Variants in CDC20B observed in about 807,000 individuals in gnomAD.
The protein encoded by CDC20B is cell division cycle 20B.
A neutral mutation model predicts 64.1 loss-of-function variants in CDC20B; 58 were observed. That is an observed-to-expected ratio of 0.90 (90% CI 0.73 to 1.13). The LOEUF (loss-of-function observed/expected upper bound fraction) is 1.13. Among genes scored for constraint, CDC20B ranks in the 50% most tolerant of loss-of-function variants. CDC20B has a pLI of 0.00. For missense variants in CDC20B, 597 were observed against 633.0 expected, an observed-to-expected ratio of 0.94 and a Z score of 0.61; for synonymous variants, 243 against 230.6, an observed-to-expected ratio of 1.05 and a Z score of -0.49.
Position 55,153,752 on chromosome 5 carries a change from A to G in CDC20B, c.127-6896T>C, listed in dbSNP as rs144269941. 6.8e-3 allele frequency among the ~76,000 whole-genome samples: 1,030 copies of G among 152,354 alleles called. 10 individuals carry two copies. The highest frequency in any genetic ancestry group is 0.023 in the African/African-American group (974 of 41,574). ...TAAAGGACAGAATAGAATTCAGAAT[A>G]AAGTCTGGGACAAGGGCCAAAGCAG... On this transcript the variant is annotated intron_variant, in intron 2 of 11. Coordinates refer to ENST00000381375, the MANE Select transcript of CDC20B (RefSeq NM_001170402.1).
intron 2 of CDC20B, among the ~76,000 whole-genome samples, chr5:55,167,907 C>T (rs1180685432): frequency 6.6e-6 from 1 of 152,064 alleles, no homozygotes; most frequent in African/African-American, 2.4e-5. Context: ...TAGCACACAC[C>T]TGTGGTTCCA....
At chr5:55,150,165 T>A in intron 2 of CDC20B, among the ~76,000 whole-genome samples, 1 of 152,204 alleles carries the variant, frequency 6.6e-6, no homozygotes, top group Non-Finnish European at 1.5e-5. Context: ...AAAATAAAGG[T>A]TTTTTTAAAT....
chr5:55,170,640 T>C (rs775192725), intron 2 of CDC20B: 6 of 534,676 alleles, frequency 1.1e-5, no homozygotes, highest in South Asian at 4.2e-5. Context: ...GAGCACTTCA[T>C]TGACAAGAAG....
chr5:55,156,893 TA>T (rs1214569887), intron 2 of CDC20B, among the ~76,000 whole-genome samples: 6 of 152,156 alleles, frequency 3.9e-5, no homozygotes, highest in Middle Eastern at 3.4e-3. Flanking sequence ...TAATAATAAA[TA>T]AAAAAATAAG....
At chr5:55,168,060 T>C (rs529778081) in intron 2 of CDC20B, among the ~76,000 whole-genome samples, 1 of 152,052 alleles carries the variant, frequency 6.6e-6, no homozygotes, top group East Asian at 2.0e-4. Context: ...GAGGACACTC[T>C]ATCCATATTT....
chr5:55,168,280 A>G (rs1323213161), intron 2 of CDC20B, among the ~76,000 whole-genome samples: 1 of 152,094 alleles, frequency 6.6e-6, no homozygotes, highest in Non-Finnish European at 1.5e-5. Context: ...ACAGGTTCAG[A>G]GGGCAGCGAT....
chr5:55,137,567 C>T, intron 5 of CDC20B: 1 of 456,692 alleles, frequency 2.2e-6, no homozygotes, highest in Admixed American at 2.3e-5. Context: ...ATTCAGAGGG[C>T]CTCTCAATTA....
rs776791651 is a variant in CDC20B, at chr5:55,161,112, GCAAT to G, written c.126+11472_126+11475del. Reference sequence around the variant, plus strand: ...CACTTCAGCGTGTTGGCTTTTCCCTGCAATCAGTTTGGAGAATCGGAGCCCCGCC... The same window carrying G: ...CACTTCAGCGTGTTGGCTTTTCCCTGCAGTTTGGAGAATCGGAGCCCCGCC... On this transcript the variant is annotated intron_variant, in intron 2 of 11. Transcript: ENST00000381375. 48 of 1,614,038 alleles carry G rather than the reference GCAAT, an allele frequency of 3.0e-5. No homozygotes were observed. In the Middle Eastern group the frequency reaches 4.9e-4, roughly 17 times the overall value.
At chr5:55,134,858 C>G (rs1332040974) in intron 5 of CDC20B, among the ~76,000 whole-genome samples, 1 of 152,164 alleles carries the variant, frequency 6.6e-6, no homozygotes, top group African/African-American at 2.4e-5. Context: ...AAAGGAAAAA[C>G]TATAGATACA....
rs1166568300 is a variant in CDC20B, at chr5:55,120,529, G to T, written c.1237C>A (p.Gln413Lys). 6.2e-7 allele frequency: 1 copy of T among 1,613,598 alleles called. No homozygotes were observed. The highest frequency in any genetic ancestry group is 8.5e-7 in the Non-Finnish European group (1 of 1,179,700). ...AVKAMDWCPW[Q>K]SGVLAIGGGM... ...CCTCCAATGGCAAGGACCCCAGACT[G>T]CCAGGGACACCAATCCATGGCCTTT... Residue 413 changes from glutamine (Q) to lysine (K), a missense_variant, in exon 10 of 12, where the codon CAG (glutamine) becomes AAG (lysine). By Grantham distance (53) the Gln-to-Lys change is moderately conservative (BLOSUM62 1). Around this residue, in one of 3 missense-constraint regions of CDC20B, gnomAD observed 353 missense variants for 397.0 expected, o/e 0.89. Coordinates refer to ENST00000381375, the MANE Select transcript of CDC20B (RefSeq NM_001170402.1).
At position 55,120,346 on chromosome 5, in the gene CDC20B, G is replaced by A. The variant is rs1435921212; in HGVS notation, c.1341+79C>T. 6 of 1,521,328 alleles carry A rather than the reference G, an allele frequency of 3.9e-6. No homozygotes were observed. The Admixed American group carries it at 6.9e-5, about 18-fold the overall frequency. The allele number at this position is 1,521,328 out of a possible 1,614,324, so 94.2% of individuals were successfully genotyped here. On this transcript the variant is annotated intron_variant, in intron 10 of 11. Coordinates refer to ENST00000381375, the MANE Select transcript of CDC20B (RefSeq NM_001170402.1). ...CAATAGAGAAAGAGAGCTTGTTGGG[G>A]GCATAGGCTCTGTTGTAAACTATTT... is the stretch of plus-strand genomic sequence containing the variant.
Position 55,133,496 on chromosome 5 carries a change from G to A in CDC20B, c.613C>T (p.His205Tyr). 6.4e-7 allele frequency: 1 copy of A among 1,570,092 alleles called. No homozygotes were observed. Among genetic ancestry groups the A allele is most frequent in the South Asian group, 1.2e-5 (1 of 83,824 alleles). Residue 205 changes from histidine to tyrosine, a missense_variant, in exon 6 of 12, where the codon CAT becomes TAT. Coordinates refer to ENST00000381375, the MANE Select transcript of CDC20B (RefSeq NM_001170402.1). Reference sequence around the variant, plus strand: ...TTTATATCACCAGAACTTTTAAGATGGAAGGATTCATCTCTGACTCCATCT... The same window carrying A: ...TTTATATCACCAGAACTTTTAAGATAGAAGGATTCATCTCTGACTCCATCT... ...CKDGVRDESF[H>Y]LKSSGDINDS... is the part of the protein sequence containing the mutation.
In CDC20B at chr5:55,126,466, C is replaced by CAAAAAAAAAA. The variant is rs34581363; in HGVS notation, c.989+781_989+790dup. On this transcript the variant is annotated intron_variant, in intron 8 of 11. Transcript: ENST00000381375. ...TAGGTGACAGAGTGAGATTCCATGT[C>CAAAAAAAAAA]AAAAAAAAAAAAAAAAAAAAACAGT... is the stretch of plus-strand genomic sequence containing the variant. 6.4e-3 allele frequency: 632 copies of CAAAAAAAAAA among 98,604 alleles called. 60 individuals are homozygous for CAAAAAAAAAA. The highest frequency in any genetic ancestry group is 0.029 in the African/African-American group (461 of 16,132). 6.1% of individuals were successfully genotyped at this position (98,604 alleles called of 1,614,324 possible). A position where few individuals can be genotyped will look rare whatever the true frequency, so the allele number is the denominator to read the frequency against.
intron 11 of CDC20B, among the ~76,000 whole-genome samples, chr5:55,115,981 A>T (rs892172985): frequency 4.6e-5 from 7 of 152,152 alleles, no homozygotes; most frequent in Admixed American, 4.6e-4. Flanking sequence ...GACATAAAAA[A>T]GTTTACATTT....
intron 11 of CDC20B, among the ~76,000 whole-genome samples, chr5:55,119,375 G>A (rs1331782451): frequency 6.6e-6 from 1 of 152,154 alleles, no homozygotes; most frequent in African/African-American, 2.4e-5. Flanking sequence ...AAGAGTAGTG[G>A]TCTACCTTGA....
At chr5:55,118,568 A>T (rs912607140) in intron 11 of CDC20B, among the ~76,000 whole-genome samples, 1 of 152,202 alleles carries the variant, frequency 6.6e-6, no homozygotes, top group Admixed American at 6.5e-5. Flanking sequence ...AGCTGCTGGA[A>T]TTAGTTTTGT....
At chr5:55,141,749 T>C (rs1561294146) in intron 4 of CDC20B, among the ~76,000 whole-genome samples, 1 of 152,198 alleles carries the variant, frequency 6.6e-6, no homozygotes, top group African/African-American at 2.4e-5. Context: ...TTTTTAGTTA[T>C]TCAAGGTAGA....
chr5:55,140,321 A>C lies in CDC20B; in HGVS notation c.573T>G (p.Val191=), dbSNP rs977913800. 6.2e-7 allele frequency: 1 copy of C among 1,609,044 alleles called. No individual in the cohort carries two copies. The highest frequency in any genetic ancestry group is 1.7e-5 in the Admixed American group (1 of 59,524). The change falls in exon 5 of 12, where the codon GTT becomes GTG. Residue 191 remains valine, a synonymous_variant. Coordinates refer to ENST00000381375, the MANE Select transcript of CDC20B (RefSeq NM_001170402.1). ...AATGTCTTGATCCTGTACCTTTCCA[A>C]ACACATTCGGATTGCTCACAGAGCT... The part of the protein sequence containing the change: ...KMQLCEQSEC[V]WKGCKDGVRD...
intron 3 of CDC20B, among the ~76,000 whole-genome samples, chr5:55,144,064 A>G (rs336076): frequency 0.63 from 95,130 of 151,502 alleles, 30,206 homozygotes; most frequent in Admixed American, 0.71. Context: ...GTTTTAAATG[A>G]TAGTGGAAAG....
Sources: allele counts gnomAD v4.1 joint callset (sites outside exome capture counted in the v4.1 genomes callset), GRCh38; gene constraint gnomAD v4.1.1; regional missense constraint gnomAD v4.1.1; transcripts MANE v1.5; gene names NCBI Gene and HGNC (gene_info 2026-07-23, HGNC 2026-07-21).